Variants in PRKCZ observed in about 807,000 individuals in gnomAD.
PRKCZ encodes protein kinase C zeta.
A neutral mutation model predicts 79.5 loss-of-function variants in PRKCZ; 33 were observed. That is an observed-to-expected ratio of 0.41 (90% CI 0.31 to 0.55). PRKCZ has a LOEUF of 0.55. PRKCZ is among the 20% of genes least tolerant of loss of function. PRKCZ has a pLI of 0.19. For synonymous variants in PRKCZ, 342 were observed against 320.9 expected (o/e 1.07, Z -0.70); for missense variants, 578 against 813.5 (o/e 0.71, Z 3.52).
At chr1:2,074,187 G>C (rs1177849615) in intron 4 of PRKCZ, 3 of 1,550,050 alleles carry the variant, frequency 1.9e-6, no homozygotes, top group Non-Finnish European at 2.6e-6. Flanking sequence ...TTTTGCGGGT[G>C]ACAGATTTTT....
rs1276276032 is a variant in PRKCZ at position 2,112,687 on chromosome 1, GTTGGT to G, written c.335-22572_335-22568del. On this transcript the variant is annotated intron_variant, in intron 4 of 17. Transcript: ENST00000378567. ...GTTTTTTTGTTTGTTTGGTTGGTTGGTTGGTTTTTTTTTTTTTTGGAGACAGAGTC... is the reference window on the plus strand; with the variant it reads ...GTTTTTTTGTTTGTTTGGTTGGTTGGTTTTTTTTTTTTTGGAGACAGAGTC... Among the ~76,000 whole-genome samples the G allele has an allele frequency of 1.0e-3, 27 of 26,524 alleles. 1 individual carries two copies. Among genetic ancestry groups the G allele is most frequent in the African/African-American group, 3.3e-3 (13 of 3,960 alleles). 17.4% of individuals were successfully genotyped at this position (26,524 alleles called of 152,430 possible).
At chr1:2,135,463 G>A (rs544500319) in intron 5 of PRKCZ, 116 bp downstream of exon 5, 26 of 929,292 alleles carry the variant, frequency 2.8e-5, no homozygotes, top group African/African-American at 8.4e-5. Flanking sequence ...TTTGGCGCCC[G>A]AGGGCAAGGT....
intron 4 of PRKCZ, among the ~76,000 whole-genome samples, chr1:2,132,915 A>G (rs1322213335): frequency 6.6e-6 from 1 of 152,138 alleles, no homozygotes; most frequent in Non-Finnish European, 1.5e-5. Flanking sequence ...CAAGTTCTGG[A>G]GGCGTGGGGA....
chr1:2,095,513 T>C (rs1026614870), intron 4 of PRKCZ, among the ~76,000 whole-genome samples: 1 of 152,016 alleles, frequency 6.6e-6, no homozygotes, highest in Non-Finnish European at 1.5e-5. Flanking sequence ...CCTCCTCCCG[T>C]GGATGCCTTT....
chr1:2,111,307 C>T (rs1367826431), intron 4 of PRKCZ, among the ~76,000 whole-genome samples: 1 of 151,876 alleles, frequency 6.6e-6, no homozygotes, highest in East Asian at 1.9e-4. Context: ...CTGTGAAGGT[C>T]TGGGGCACAG....
chr1:2,126,799 T>G (rs1352870963), intron 4 of PRKCZ, among the ~76,000 whole-genome samples: 1 of 152,192 alleles, frequency 6.6e-6, no homozygotes, highest in African/African-American at 2.4e-5. Context: ...CGCGGACACC[T>G]GAGCAGTCCC....
chr1:2,104,654 C>G (rs1668055144), intron 4 of PRKCZ: 2 of 982,776 alleles, frequency 2.0e-6, no homozygotes, highest in Non-Finnish European at 2.4e-6. Context: ...CCAGGGGAAG[C>G]CAGTGTGGGT....
At chr1:2,093,977 C>T (rs543585823) in intron 4 of PRKCZ, among the ~76,000 whole-genome samples, 5 of 152,128 alleles carry the variant, frequency 3.3e-5, no homozygotes, top group East Asian at 3.9e-4. Flanking sequence ...GCTCCAGGCC[C>T]GGGTGGAGGA....
chr1:2,083,734 G>C (rs1664002076), intron 4 of PRKCZ, among the ~76,000 whole-genome samples: 1 of 152,024 alleles, frequency 6.6e-6, no homozygotes, highest in South Asian at 2.1e-4. Flanking sequence ...CAGGAGGCTT[G>C]GGGCGTTTTA....
At chr1:2,054,132 A>G (rs951135129) in intron 1 of PRKCZ, among the ~76,000 whole-genome samples, 10 of 152,130 alleles carry the variant, frequency 6.6e-5, no homozygotes, top group African/African-American at 2.4e-4. Flanking sequence ...TTGTTTCTTG[A>G]AACTTGTCTG....
chr1:2,069,995 C>T (rs1391470689), intron 4 of PRKCZ, among the ~76,000 whole-genome samples: 1 of 152,160 alleles, frequency 6.6e-6, no homozygotes, highest in Non-Finnish European at 1.5e-5. Context: ...CCTGGCTTTG[C>T]ACCCAGACCC....
At chr1:2,170,341 T>C (rs1255332256) in intron 11 of PRKCZ, among the ~76,000 whole-genome samples, 1 of 152,212 alleles carries the variant, frequency 6.6e-6, no homozygotes, top group Non-Finnish European at 1.5e-5. Context: ...GGACCTTTCC[T>C]GTCTTTTGTA....
intron 4 of PRKCZ, among the ~76,000 whole-genome samples, chr1:2,104,538 G>A (rs10752742): frequency 2.0e-5 from 3 of 151,936 alleles, no homozygotes; most frequent in South Asian, 2.1e-4. Context: ...ATCCAGTGGC[G>A]CGAATGGTGG....
At chr1:2,141,638 G>T (rs148607026) in intron 5 of PRKCZ, 2 of 154,524 alleles carry the variant, frequency 1.3e-5, no homozygotes, top group African/African-American at 2.4e-5. Flanking sequence ...GAGCCACTGC[G>T]CCTGGCCAAT....
At chr1:2,105,042 C>T (rs577219552) in intron 4 of PRKCZ, 34 of 459,598 alleles carry the variant, frequency 7.4e-5, no homozygotes, top group Non-Finnish European at 8.3e-5. Flanking sequence ...TTCTCAAGGA[C>T]GCTTGCATAG....
At chr1:2,130,234 C>A (rs1278660602) in intron 4 of PRKCZ, among the ~76,000 whole-genome samples, 1 of 152,208 alleles carries the variant, frequency 6.6e-6, no homozygotes, top group African/African-American at 2.4e-5. Flanking sequence ...GTACAGGCTG[C>A]CCTGCTGTCC....
Position 2,174,224 on chromosome 1 carries a change from A to AAG in PRKCZ, c.1405+212_1405+213dup, listed in dbSNP as rs1685013219. 6.6e-6 allele frequency among the ~76,000 whole-genome samples: 1 copy of AAG among 152,148 alleles called. No homozygotes were observed. The highest frequency in any genetic ancestry group is 1.9e-4 in the East Asian group (1 of 5,188). The stretch of plus-strand genomic sequence containing the variant: ...TTACCACACCTGTGGGTCAGCAGGA[A>AAG]AGAGAACCTGTCCCCATTCAGCTCC... On this transcript the variant is annotated intron_variant, in intron 14 of 17. Transcript: ENST00000378567. The surrounding 1 kb of genome is among the most constrained non-coding windows in gnomAD (Gnocchi z 6.2).
Position 2,135,997 on chromosome 1 carries a change from G to A in PRKCZ, c.420+650G>A, listed in dbSNP as rs538347625. Among the ~76,000 whole-genome samples, 5 of 152,256 alleles carry A rather than the reference G, an allele frequency of 3.3e-5. No homozygotes were observed. In the East Asian group the frequency reaches 9.6e-4, roughly 29 times the overall value. ...CCCACACAGGGAGTGTCTTGGGGGT[G>A]CGTGGAAGTATACAGGGCCTGTCCC... On this transcript the variant is annotated intron_variant, in intron 5 of 17. Transcript: ENST00000378567.
chr1:2,153,672 G>A (rs1213522145), intron 9 of PRKCZ, among the ~76,000 whole-genome samples: 1 of 152,344 alleles, frequency 6.6e-6, no homozygotes, highest in Admixed American at 6.5e-5. Context: ...TTTGCAGCAC[G>A]TCCCGGTCAG....
Sources: allele counts gnomAD v4.1 joint callset (sites outside exome capture counted in the v4.1 genomes callset), GRCh38; gene constraint gnomAD v4.1.1; non-coding constraint Gnocchi (gnomAD v3.1); transcripts MANE v1.5; gene names NCBI Gene and HGNC (gene_info 2026-07-23, HGNC 2026-07-21).